Variants in CORIN observed in about 807,000 individuals in gnomAD.
The protein encoded by CORIN is atrial natriuretic peptide-converting enzyme.
A neutral mutation model predicts 125.3 loss-of-function variants in CORIN; 117 were observed. The observed-to-expected ratio is 0.93, with a 90% CI of 0.80 to 1.09. The LOEUF (loss-of-function observed/expected upper bound fraction) is 1.09, where lower values mean the gene tolerates loss of function less well. Among genes scored for constraint, CORIN ranks in the 50% least tolerant of loss-of-function variants. The pLI is 0.00. For synonymous variants in CORIN, 450 were observed against 466.4 expected, an observed-to-expected ratio of 0.96 and a Z score of 0.45; for missense variants, 1,253 against 1,306.7, an observed-to-expected ratio of 0.96 and a Z score of 0.63.
chr4:47,830,904 A>G (rs1455207049), intron 1 of CORIN, among the ~76,000 whole-genome samples: 2 of 152,164 alleles, frequency 1.3e-5, no homozygotes, highest in Non-Finnish European at 1.5e-5. Context: ...AACTCCCCCA[A>G]AGTGCTACAA....
intron 10 of CORIN, among the ~76,000 whole-genome samples, chr4:47,671,608 G>A (rs61163017): frequency 1.3e-5 from 2 of 151,868 alleles, no homozygotes; most frequent in Non-Finnish European, 1.5e-5. Flanking sequence ...TTATTGAGAC[G>A]GAATCTCGAT....
At chr4:47,657,268 T>C (rs538084465) in intron 12 of CORIN, among the ~76,000 whole-genome samples, 2 of 152,236 alleles carry the variant, frequency 1.3e-5, no homozygotes, top group South Asian at 2.1e-4. Context: ...GCGTGGTGGC[T>C]CATGCCTGTA....
intron 19 of CORIN, among the ~76,000 whole-genome samples, chr4:47,611,593 C>T (rs1577735436): frequency 6.6e-6 from 1 of 152,148 alleles, no homozygotes; most frequent in African/African-American, 2.4e-5. Context: ...CTTTCTTTCT[C>T]TTGGCTGATT....
chr4:47,815,924 A>G (rs1428075538), intron 1 of CORIN, among the ~76,000 whole-genome samples: 1 of 152,206 alleles, frequency 6.6e-6, no homozygotes, highest in Non-Finnish European at 1.5e-5. Flanking sequence ...ATTTAGCGCT[A>G]AGGAGGCTCC....
chr4:47,676,534 C>A (rs143977914), intron 9 of CORIN, among the ~76,000 whole-genome samples: 7 of 152,298 alleles, frequency 4.6e-5, no homozygotes, highest in African/African-American at 1.2e-4. Context: ...CATTGACTTG[C>A]CTAATAATTC....
At chr4:47,808,025 A>G (rs61756983) in intron 1 of CORIN, among the ~76,000 whole-genome samples, 87 of 152,288 alleles carry the variant, frequency 5.7e-4, no homozygotes, top group Admixed American at 1.2e-3. Flanking sequence ...CTCCTTTCAG[A>G]GTTACACTAC....
rs866849876 is a variant in CORIN at position 47,645,116 on chromosome 4, G to A, written c.1922C>T (p.Pro641Leu). The A allele has an allele frequency of 6.2e-7, 1 of 1,612,656 alleles. No individual in the cohort carries two copies. The highest frequency in any genetic ancestry group is 1.7e-4 in the Middle Eastern group (1 of 6,054). ...CTCGTCCATGTAATCAGGGCAGTCT[G>A]GGAACCCATCGCAGATCACTGTGTG... ...LKHTVICDGF[P>L]DCPDYMDEKN... Residue 641 changes from proline to leucine, a missense_variant, in exon 14 of 22, where the codon CCA (proline) becomes CTA (leucine). By Grantham distance (98) the Pro-to-Leu change is moderately conservative. Transcript: ENST00000273857.
At chr4:47,601,518 T>C (rs1382082592) in intron 20 of CORIN, among the ~76,000 whole-genome samples, 1 of 152,042 alleles carries the variant, frequency 6.6e-6, no homozygotes, top group Admixed American at 6.6e-5. Context: ...AATTTTTTTT[T>C]TGTAGAGACA....
At chr4:47,772,416 T>C (rs768298293) in intron 3 of CORIN, among the ~76,000 whole-genome samples, 10 of 152,232 alleles carry the variant, frequency 6.6e-5, no homozygotes, top group South Asian at 2.1e-4. Context: ...AGACTTAACA[T>C]TGCAGCTGTA....
At chr4:47,744,092 A>G (rs1728541905) in intron 5 of CORIN, among the ~76,000 whole-genome samples, 1 of 152,228 alleles carries the variant, frequency 6.6e-6, no homozygotes, top group Admixed American at 6.5e-5. Flanking sequence ...TGAGCAAAAG[A>G]AGACAGGTTT....
At chr4:47,661,888 G>A in intron 11 of CORIN, 32 bp from the exon 12 acceptor site, 1 of 1,559,696 alleles carries the variant, frequency 6.4e-7, no homozygotes, top group Non-Finnish European at 8.7e-7. Flanking sequence ...AACATTAGAA[G>A]CAGAAATAGC....
chr4:47,738,889 T>C (rs1026494447), intron 5 of CORIN, among the ~76,000 whole-genome samples: 1 of 151,730 alleles, frequency 6.6e-6, no homozygotes, highest in African/African-American at 2.4e-5. Context: ...TTTAAAATAT[T>C]AGAAATTATG....
chr4:47,721,350 A>T (rs1288462766), intron 5 of CORIN, among the ~76,000 whole-genome samples: 1 of 151,590 alleles, frequency 6.6e-6, no homozygotes, highest in East Asian at 1.9e-4. Context: ...GCTCACTGCA[A>T]CCTCCACCTC....
intron 2 of CORIN, among the ~76,000 whole-genome samples, chr4:47,794,248 T>C (rs1731197185): frequency 6.6e-6 from 1 of 152,148 alleles, no homozygotes; most frequent in South Asian, 2.1e-4. Context: ...CAAATTCTTG[T>C]AAAAGCCACA....
intron 10 of CORIN, among the ~76,000 whole-genome samples, chr4:47,667,818 T>A (rs981437736): frequency 6.6e-6 from 1 of 152,212 alleles, no homozygotes; most frequent in Admixed American, 6.5e-5. Context: ...TATCCTTTCC[T>A]GTGATTTGTG....
At chr4:47,759,017 T>A (rs1016194064) in intron 4 of CORIN, among the ~76,000 whole-genome samples, 3 of 152,126 alleles carry the variant, frequency 2.0e-5, no homozygotes, top group South Asian at 2.1e-4. Flanking sequence ...CATAGACCAA[T>A]GGAATGGAAC....
At chr4:47,817,252 A>C (rs563218613) in intron 1 of CORIN, among the ~76,000 whole-genome samples, 2 of 150,912 alleles carry the variant, frequency 1.3e-5, no homozygotes, top group Non-Finnish European at 2.9e-5. Flanking sequence ...AGAATGTATT[A>C]AGTCCTTTAA....
intron 3 of CORIN, among the ~76,000 whole-genome samples, chr4:47,785,446 A>G (rs1730747696): frequency 6.6e-6 from 1 of 152,268 alleles, no homozygotes; most frequent in African/African-American, 2.4e-5. Flanking sequence ...GCTCTTCTGG[A>G]ATAACTAACA....
At chr4:47,709,335 C>T (rs1726731066) in intron 5 of CORIN, among the ~76,000 whole-genome samples, 1 of 151,920 alleles carries the variant, frequency 6.6e-6, no homozygotes, top group Admixed American at 6.6e-5. Flanking sequence ...CCTCTGTCGC[C>T]CATGCTTGAG....
Sources: allele counts gnomAD v4.1 joint callset (sites outside exome capture counted in the v4.1 genomes callset), GRCh38; gene constraint gnomAD v4.1.1; transcripts MANE v1.5; gene names NCBI Gene and HGNC (gene_info 2026-07-23, HGNC 2026-07-21).